The following GDI2 variants were observed in gnomAD, a reference collection of about 807,000 sequenced individuals.
GDI2 encodes the protein rab GDP dissociation inhibitor beta.
Under a neutral mutation model 54.2 loss-of-function variants are expected in GDI2, and 22 were observed. The observed-to-expected ratio is 0.41, with a 90% CI of 0.29 to 0.58. The LOEUF is 0.58. GDI2 is among the 20% of genes least tolerant of loss of function. GDI2 has a pLI of 0.35. For missense variants in GDI2, 422 were observed against 546.0 expected, an observed-to-expected ratio of 0.77 and a Z score of 2.26; for synonymous variants, 177 against 182.1, an observed-to-expected ratio of 0.97 and a Z score of 0.23.
At position 5,793,994 on chromosome 10, in the gene GDI2, T is replaced by C. The variant is rs915066107; in HGVS notation, c.388+891A>G. Among the ~76,000 whole-genome samples, 12 of 150,976 alleles carry C rather than the reference T, an allele frequency of 7.9e-5. No individual in the cohort carries two copies. In the Admixed American group the frequency reaches 8.0e-4, roughly 10 times the overall value. ...GCCTGGCCAACATGGTGAAACACCA[T>C]CTCTACTAAAAATACAAAAATTAGC... On this transcript the variant is annotated intron_variant, in intron 4 of 10. Coordinates refer to ENST00000380191, the MANE Select transcript of GDI2 (RefSeq NM_001494.4).
intron 4 of GDI2, among the ~76,000 whole-genome samples, chr10:5,787,743 A>G (rs1021994230): frequency 6.6e-6 from 1 of 152,274 alleles, no homozygotes. Flanking sequence ...CAATGCACTT[A>G]AAACTTAGGT....
At chr10:5,769,693 T>C (rs1317776797) in intron 7 of GDI2, among the ~76,000 whole-genome samples, 1 of 151,796 alleles carries the variant, frequency 6.6e-6, no homozygotes, top group Admixed American at 6.6e-5. Context: ...AGTGAGCTAC[T>C]ACCTCACAAC....
At position 5,768,411 on chromosome 10, in the gene GDI2, T is replaced by C; in HGVS notation, c.820-27A>G. 6.8e-7 allele frequency: 1 copy of C among 1,474,164 alleles called. No individual in the cohort carries two copies. The highest frequency in any genetic ancestry group is 9.5e-7 in the Non-Finnish European group (1 of 1,053,870). 91.3% of individuals were successfully genotyped at this position (1,474,164 alleles called of 1,614,324 possible). Reference sequence around the variant, plus strand: ...TATAACAAAGCATTTAAGAAGACACTGAAGCGGACAAGGATATAGGGAAAC... The same window carrying C: ...TATAACAAAGCATTTAAGAAGACACCGAAGCGGACAAGGATATAGGGAAAC... On this transcript the variant is annotated intron_variant, in intron 7 of 10. Coordinates refer to ENST00000380191, the MANE Select transcript of GDI2 (RefSeq NM_001494.4). The surrounding 1 kb of genome is among the most constrained non-coding windows in gnomAD (Gnocchi z 4.4).
At chr10:5,796,069 G>C (rs1281289673) in intron 3 of GDI2, among the ~76,000 whole-genome samples, 1 of 152,088 alleles carries the variant, frequency 6.6e-6, no homozygotes, top group Non-Finnish European at 1.5e-5. Context: ...TAATATTACA[G>C]CAATTTAAAA....
At chr10:5,791,614 G>A (rs1046961580) in intron 4 of GDI2, among the ~76,000 whole-genome samples, 5 of 152,114 alleles carry the variant, frequency 3.3e-5, no homozygotes, top group Non-Finnish European at 7.4e-5. Context: ...AGGCGTGGTG[G>A]TGCATGCCTG....
intron 7 of GDI2, among the ~76,000 whole-genome samples, chr10:5,769,762 C>T (rs1401974759): frequency 6.6e-6 from 1 of 152,192 alleles, no homozygotes; most frequent in African/African-American, 2.4e-5. Context: ...GAAACTGGAA[C>T]TTCTTGTCCA....
chr10:5,770,736 C>T (rs970376168), intron 7 of GDI2, among the ~76,000 whole-genome samples: 7 of 151,764 alleles, frequency 4.6e-5, no homozygotes, highest in Non-Finnish European at 8.8e-5. Context: ...GAGGCCGAGG[C>T]AGGCAGATCA....
rs1185557003 is a variant in GDI2, at chr10:5,768,941, C to G, written c.820-557G>C. On this transcript the variant is annotated intron_variant, in intron 7 of 10. Transcript: ENST00000380191. The surrounding 1 kb of genome is among the most constrained non-coding windows in gnomAD (Gnocchi z 4.4). ...TTCCTTGTATCTAAAACCAAAGACA[C>G]AGGCAACAAAGGAAAGAATTCATGA... is the stretch of plus-strand genomic sequence containing the variant. 6.6e-6 allele frequency: 1 copy of G among 152,144 alleles called. No individual in the cohort carries two copies. Among genetic ancestry groups the G allele is most frequent in the East Asian group, 1.9e-4 (1 of 5,200 alleles). The allele number at this position is 152,144 out of a possible 1,614,324, so 9.4% of individuals were successfully genotyped here.
chr10:5,766,443 A>C lies in GDI2; in HGVS notation c.1136+51T>G. The C allele has an allele frequency of 6.2e-7, 1 of 1,603,534 alleles. No homozygotes were observed. The highest frequency in any genetic ancestry group is 2.2e-5 in the East Asian group (1 of 44,834). On this transcript the variant is annotated intron_variant, in intron 9 of 10. Coordinates refer to ENST00000380191, the MANE Select transcript of GDI2 (RefSeq NM_001494.4). The surrounding 1 kb of genome is among the most constrained non-coding windows in gnomAD (Gnocchi z 5.8). ...CACATTCGTCCCACCATGGAGCCAC[A>C]ATCAAAGGCCTCAGTTTGCATCTCG...
intron 2 of GDI2, among the ~76,000 whole-genome samples, chr10:5,798,251 G>A (rs2131712098): frequency 6.6e-6 from 1 of 152,284 alleles, no homozygotes; most frequent in East Asian, 1.9e-4. Flanking sequence ...GAATCCTACT[G>A]CTAAGGTGGA....
At chr10:5,812,884 C>T (rs114362919) in intron 1 of GDI2, among the ~76,000 whole-genome samples, 1 of 152,162 alleles carries the variant, frequency 6.6e-6, no homozygotes, top group Non-Finnish European at 1.5e-5. Flanking sequence ...AACCGGGGAG[C>T]GGGACCCTTG....
chr10:5,783,605 GA>G (rs757881542), intron 6 of GDI2, among the ~76,000 whole-genome samples: 1 of 152,168 alleles, frequency 6.6e-6, no homozygotes, highest in Non-Finnish European at 1.5e-5. Flanking sequence ...TTTGTTTCAA[GA>G]TTTGGAGCTC....
rs192639186 is a variant in GDI2, at chr10:5,768,706, T to C, written c.820-322A>G. ...CACAGTACAGTGATTTTTGACAAAG[T>C]TGCAAAGACCATTCAATGAGGGGAA... On this transcript the variant is annotated intron_variant, in intron 7 of 10. Coordinates refer to ENST00000380191, the MANE Select transcript of GDI2 (RefSeq NM_001494.4). This position sits in a 1 kb window ranked among gnomAD's most constrained non-coding sequence, Gnocchi z 4.4. 65 of 203,536 alleles carry C rather than the reference T, an allele frequency of 3.2e-4. No individual in the cohort carries two copies. Among genetic ancestry groups the C allele is most frequent in the Middle Eastern group, 1.8e-3 (1 of 548 alleles). The allele number at this position is 203,536 out of a possible 1,614,324, so 12.6% of individuals were successfully genotyped here.
intron 3 of GDI2, among the ~76,000 whole-genome samples, chr10:5,796,489 C>G (rs182466844): frequency 5.3e-4 from 80 of 152,274 alleles, no homozygotes; most frequent in Non-Finnish European, 7.6e-4. Flanking sequence ...TAAGCATCAA[C>G]AGGTAAGTCT....
chr10:5,799,351 C>T (rs564416306), intron 2 of GDI2, among the ~76,000 whole-genome samples: 1 of 152,026 alleles, frequency 6.6e-6, no homozygotes, highest in African/African-American at 2.4e-5. Flanking sequence ...AAACAAACAA[C>T]AACAACAAAG....
intron 1 of GDI2, among the ~76,000 whole-genome samples, chr10:5,803,517 A>C (rs767487948): frequency 6.6e-6 from 1 of 152,194 alleles, no homozygotes; most frequent in Non-Finnish European, 1.5e-5. Flanking sequence ...TTATTCCTCC[A>C]TTTCTAATAT....
chr10:5,812,328 ACACC>A, intron 1 of GDI2, among the ~76,000 whole-genome samples: 1 of 152,210 alleles, frequency 6.6e-6, no homozygotes, highest in East Asian at 1.9e-4. Context: ...GATATTAGGT[ACACC>A]TTGCATTCAT....
At chr10:5,781,575 A>G (rs1423001738) in intron 6 of GDI2, among the ~76,000 whole-genome samples, 1 of 148,992 alleles carries the variant, frequency 6.7e-6, no homozygotes, top group Non-Finnish European at 1.5e-5. Context: ...CAGTGAGCCG[A>G]GACAGTGCCA....
At chr10:5,773,619 C>T (rs1840547814) in intron 7 of GDI2, among the ~76,000 whole-genome samples, 1 of 152,140 alleles carries the variant, frequency 6.6e-6, no homozygotes, top group Non-Finnish European at 1.5e-5. Context: ...ATTTAGAGCT[C>T]ACCCATAATG....
Sources: allele counts gnomAD v4.1 joint callset (sites outside exome capture counted in the v4.1 genomes callset), GRCh38; gene constraint gnomAD v4.1.1; non-coding constraint Gnocchi (gnomAD v3.1); transcripts MANE v1.5; gene names NCBI Gene and HGNC (gene_info 2026-07-23, HGNC 2026-07-21).